Variants in PTPRO observed in about 807,000 individuals in gnomAD.
PTPRO encodes receptor-type tyrosine-protein phosphatase O.
PTPRO carries 62 observed loss-of-function variants against 145.2 expected under a neutral mutation model. The observed-to-expected ratio is 0.43, with a 90% CI of 0.35 to 0.53. The LOEUF (loss-of-function observed/expected upper bound fraction) is 0.53, where lower values mean the gene tolerates loss of function less well. PTPRO is among the 20% of genes least tolerant of loss of function. The pLI, the probability that PTPRO is intolerant of heterozygous loss-of-function variation, is 0.01. For synonymous variants in PTPRO, 565 were observed against 514.7 expected (o/e 1.10, Z -1.32); for missense variants, 1,345 against 1,482.7 (o/e 0.91, Z 1.53).
chr12:15,453,744 C>A (rs929204959), intron 1 of PTPRO, among the ~76,000 whole-genome samples: 23 of 152,116 alleles, frequency 1.5e-4, no homozygotes, highest in African/African-American at 4.8e-4. Context: ...ATTTTCTCTT[C>A]CCCCCAGCCT....
At chr12:15,354,394 G>A (rs1830495711) in intron 1 of PTPRO, among the ~76,000 whole-genome samples, 1 of 152,062 alleles carries the variant, frequency 6.6e-6, no homozygotes, top group African/African-American at 2.4e-5. Context: ...CTTTTCAAAT[G>A]GATGCCTTAT....
intron 7 of PTPRO, among the ~76,000 whole-genome samples, chr12:15,513,650 T>TA (rs1942514779): frequency 6.6e-6 from 1 of 152,136 alleles, no homozygotes; most frequent in Non-Finnish European, 1.5e-5. Context: ...AATGGGACTC[T>TA]AAAAAACACC....
chr12:15,370,169 A>C (rs1938483739), intron 1 of PTPRO, among the ~76,000 whole-genome samples: 2 of 152,172 alleles, frequency 1.3e-5, no homozygotes, highest in African/African-American at 2.4e-5. Flanking sequence ...CTTTGTATGA[A>C]CTCTAGATAT....
intron 16 of PTPRO, 69 bp from the exon 17 acceptor site, chr12:15,560,124 T>G (rs1943733123): frequency 4.6e-6 from 5 of 1,093,356 alleles, no homozygotes; most frequent in Admixed American, 3.4e-5. Flanking sequence ...CTGATATCTA[T>G]TCACAGTTTA....
chr12:15,485,581 G>T (rs1941868949), intron 2 of PTPRO, among the ~76,000 whole-genome samples: 1 of 152,022 alleles, frequency 6.6e-6, no homozygotes, highest in African/African-American at 2.4e-5. Flanking sequence ...AGAGACCCGG[G>T]GGGAAAAATT....
intron 1 of PTPRO, among the ~76,000 whole-genome samples, chr12:15,374,853 A>G (rs1938634120): frequency 6.6e-6 from 1 of 152,194 alleles, no homozygotes; most frequent in Non-Finnish European, 1.5e-5. Flanking sequence ...TAGAAGCCAC[A>G]TGTATAAGTA....
In PTPRO at chr12:15,400,253, C is replaced by T. The variant is rs151196483; in HGVS notation, c.75+77452C>T. ...TGATCCACCCGCCTTGGCCTCCCAA[C>T]GTGCTGAGATTACAGGTGTGAGCCA... is the stretch of plus-strand genomic sequence containing the variant. On this transcript the variant is annotated intron_variant, in intron 1 of 26. Transcript: ENST00000281171. 9.0e-4 allele frequency among the ~76,000 whole-genome samples: 137 copies of T among 151,750 alleles called. 1 individual carries two copies. In the East Asian group the frequency reaches 0.022, roughly 24 times the overall value.
At position 15,494,504 on chromosome 12, in the gene PTPRO, G is replaced by A. The variant is rs182383155; in HGVS notation, c.350-2741G>A. ...ATAGTAAAATATTTTTAGACTATACGTTTGAGTTCTTCTAAAAACAGTAAT... is the reference window on the plus strand; with the variant it reads ...ATAGTAAAATATTTTTAGACTATACATTTGAGTTCTTCTAAAAACAGTAAT... On this transcript the variant is annotated intron_variant, in intron 2 of 26. Transcript: ENST00000281171. 3.3e-5 allele frequency among the ~76,000 whole-genome samples: 5 copies of A among 152,240 alleles called. No homozygotes were observed. The East Asian group carries it at 5.8e-4, about 18-fold the overall frequency.
intron 1 of PTPRO, among the ~76,000 whole-genome samples, chr12:15,424,136 T>A (rs1940219806): frequency 6.6e-6 from 1 of 152,222 alleles, no homozygotes. Flanking sequence ...TGCAAGAATA[T>A]GAAGTGTAGC....
At chr12:15,362,522 T>C (rs774747825) in intron 1 of PTPRO, among the ~76,000 whole-genome samples, 10 of 152,196 alleles carry the variant, frequency 6.6e-5, no homozygotes, top group Non-Finnish European at 2.9e-5. Flanking sequence ...GTCAGGTCTT[T>C]ATAGAGAAAA....
chr12:15,513,942 C>A (rs1346813655), intron 7 of PTPRO, among the ~76,000 whole-genome samples: 1 of 152,004 alleles, frequency 6.6e-6, no homozygotes, highest in East Asian at 1.9e-4. Context: ...GGATTTGATT[C>A]CAGGTAGTCC....
chr12:15,430,856 AGTAAAT>A (rs915622868), intron 1 of PTPRO, among the ~76,000 whole-genome samples: 10 of 152,198 alleles, frequency 6.6e-5, no homozygotes, highest in African/African-American at 2.2e-4. Context: ...GTCAATTAAA[AGTAAAT>A]GAATGAATGA....
chr12:15,516,833 A>G lies in PTPRO; in HGVS notation c.1656A>G (p.Arg552=). The change falls in exon 9 of 27, where the codon AGA becomes AGG. Residue 552 remains arginine, a synonymous_variant. Transcript: ENST00000281171. ...CGGCCGTGGTTCTGAGCTGGACCAG[A>G]CCTTATTTAGGCGTGTTCAGAAAAT... ...GPTAVVLSWT[R]PYLGVFRKYV... 1 of 1,612,332 alleles carries G rather than the reference A, an allele frequency of 6.2e-7. No individual in the cohort carries two copies. The highest frequency in any genetic ancestry group is 1.1e-5 in the South Asian group (1 of 91,056).
chr12:15,428,922 A>T (rs1940356551), intron 1 of PTPRO, among the ~76,000 whole-genome samples: 1 of 152,156 alleles, frequency 6.6e-6, no homozygotes, highest in Non-Finnish European at 1.5e-5. Flanking sequence ...CACTTTCTAA[A>T]AGTTTTACTT....
intron 4 of PTPRO, 58 bp downstream of exon 4, chr12:15,499,652 A>G (rs894441792): frequency 2.6e-6 from 4 of 1,550,034 alleles, no homozygotes; most frequent in Non-Finnish European, 3.6e-6. Context: ...ATTTTGCTGT[A>G]CATTTATTTT....
At chr12:15,516,358 AG>A (rs1942586234) in intron 8 of PTPRO, among the ~76,000 whole-genome samples, 1 of 150,344 alleles carries the variant, frequency 6.7e-6, no homozygotes. Flanking sequence ...AAGAAAAGAA[AG>A]AAAAGAAGAA....
At chr12:15,375,451 A>T (rs1482502533) in intron 1 of PTPRO, among the ~76,000 whole-genome samples, 1 of 152,112 alleles carries the variant, frequency 6.6e-6, no homozygotes, top group South Asian at 2.1e-4. Flanking sequence ...CCCAATAAAG[A>T]TTATCAGTAA....
At chr12:15,465,777 A>G (rs1440016799) in intron 1 of PTPRO, among the ~76,000 whole-genome samples, 1 of 152,180 alleles carries the variant, frequency 6.6e-6, no homozygotes, top group Admixed American at 6.6e-5. Flanking sequence ...AATGGGGTTC[A>G]TGGAGGTTGT....
intron 1 of PTPRO, among the ~76,000 whole-genome samples, chr12:15,383,578 T>C (rs1246569465): frequency 6.6e-6 from 1 of 152,206 alleles, no homozygotes; most frequent in African/African-American, 2.4e-5. Flanking sequence ...CTTGAGAACA[T>C]GTGCCCAAGG....
Sources: gnomAD v4.1 joint callset for allele counts (sites outside exome capture counted in the v4.1 genomes callset) on GRCh38, gnomAD v4.1.1 for gene constraint, MANE v1.5 for transcripts, NCBI Gene and HGNC (gene_info 2026-07-23, HGNC 2026-07-21) for gene names.